Variants in LHPP observed in about 807,000 individuals in gnomAD.
LHPP encodes phospholysine phosphohistidine inorganic pyrophosphate phosphatase.
Under a neutral mutation model 30.3 loss-of-function variants are expected in LHPP, and 24 were observed. The observed-to-expected ratio is 0.79, with a 90% CI of 0.57 to 1.11. The LOEUF is 1.11. LHPP is among the 50% of genes most tolerant of loss of function. The pLI is 0.00. For synonymous variants in LHPP, 150 were observed against 157.1 expected (o/e 0.95, Z 0.34); for missense variants, 356 against 367.2 (o/e 0.97, Z 0.25).
chr10:124,552,681 G>A (rs74160928), intron 6 of LHPP, among the ~76,000 whole-genome samples: 13 of 152,098 alleles, frequency 8.5e-5, no homozygotes, highest in African/African-American at 1.2e-4. Context: ...GACTGGACGC[G>A]TGGCTGCCAG....
At chr10:124,580,051 C>T (rs934768889) in intron 6 of LHPP, among the ~76,000 whole-genome samples, 2 of 152,160 alleles carry the variant, frequency 1.3e-5, no homozygotes, top group Admixed American at 6.5e-5. Flanking sequence ...GTTTGATGAC[C>T]TTGACCATTG....
At chr10:124,610,797 C>A (rs112843127) in intron 6 of LHPP, among the ~76,000 whole-genome samples, 660 of 12,550 alleles carry the variant, frequency 0.053, no homozygotes, top group Non-Finnish European at 0.11. Flanking sequence ...GGTGAGGGTG[C>A]GGGTGAGGGT....
intron 6 of LHPP, among the ~76,000 whole-genome samples, chr10:124,562,723 G>A (rs1203562873): frequency 6.6e-6 from 1 of 152,142 alleles, no homozygotes; most frequent in African/African-American, 2.4e-5. Flanking sequence ...CTTGAGGCCA[G>A]GAGCTCGAGA....
At chr10:124,492,043 G>A (rs1286151765) in intron 3 of LHPP, among the ~76,000 whole-genome samples, 1 of 152,294 alleles carries the variant, frequency 6.6e-6, no homozygotes, top group East Asian at 1.9e-4. Context: ...TGACAATACG[G>A]AGCCTCACAT....
chr10:124,484,744 G>T (rs921514094), intron 2 of LHPP, among the ~76,000 whole-genome samples: 1 of 151,966 alleles, frequency 6.6e-6, no homozygotes, highest in Non-Finnish European at 1.5e-5. Context: ...CTACATTGAG[G>T]TCCATAGCTT....
rs78119045 is a variant in LHPP, at chr10:124,550,178, C to T, written c.716+32907C>T. Among the ~76,000 whole-genome samples the T allele has an allele frequency of 9.2e-3, 1,405 of 152,364 alleles. 17 individuals carry two copies. The highest frequency in any genetic ancestry group is 0.032 in the African/African-American group (1,321 of 41,584). ...CACCTCCTGTGATGGGGAGCTCACTCCTTGCCGAGGGAGCCTGGTAAGCTG... is the reference window on the plus strand; with the variant it reads ...CACCTCCTGTGATGGGGAGCTCACTTCTTGCCGAGGGAGCCTGGTAAGCTG... On this transcript the variant is annotated intron_variant, in intron 6 of 6. Transcript: ENST00000368842.
chr10:124,600,628 C>A (rs926712687), intron 6 of LHPP, among the ~76,000 whole-genome samples: 3 of 152,242 alleles, frequency 2.0e-5, no homozygotes, highest in African/African-American at 7.2e-5. Context: ...GCCCCTCGTG[C>A]TGGATGGAGC....
chr10:124,555,630 C>A (rs1948284992), intron 6 of LHPP, among the ~76,000 whole-genome samples: 2 of 152,182 alleles, frequency 1.3e-5, no homozygotes, highest in Non-Finnish European at 1.5e-5. Context: ...CCTTTCTAGG[C>A]CCACAGTCCT....
chr10:124,564,069 C>T (rs1483449200), intron 6 of LHPP, among the ~76,000 whole-genome samples: 2 of 151,918 alleles, frequency 1.3e-5, no homozygotes, highest in African/African-American at 4.8e-5. Context: ...ACCTCAGCCT[C>T]CTGAGTGGCT....
At chr10:124,499,096 T>C (rs1953825861) in intron 5 of LHPP, among the ~76,000 whole-genome samples, 1 of 151,492 alleles carries the variant, frequency 6.6e-6, no homozygotes, top group Admixed American at 6.6e-5. Context: ...GCCAGGCTGG[T>C]CTCAAATTCC....
chr10:124,494,592 A>ATT (rs1953648241), intron 3 of LHPP, among the ~76,000 whole-genome samples: 1 of 152,142 alleles, frequency 6.6e-6, no homozygotes, highest in Non-Finnish European at 1.5e-5. Flanking sequence ...GAGGGCCTGC[A>ATT]GAGGGCCTTG....
intron 6 of LHPP, among the ~76,000 whole-genome samples, chr10:124,570,764 T>G (rs1948572546): frequency 6.6e-6 from 1 of 152,280 alleles, no homozygotes; most frequent in Non-Finnish European, 1.5e-5. Context: ...GCTTAATGTC[T>G]TGACCGTTCA....
At chr10:124,528,501 G>C (rs568660478) in intron 6 of LHPP, among the ~76,000 whole-genome samples, 1 of 152,316 alleles carries the variant, frequency 6.6e-6, no homozygotes, top group Non-Finnish European at 1.5e-5. Context: ...TGGGAATACA[G>C]ATGTCTGCCA....
chr10:124,537,588 G>A (rs888896391), intron 6 of LHPP, among the ~76,000 whole-genome samples: 4 of 152,236 alleles, frequency 2.6e-5, no homozygotes, highest in African/African-American at 7.2e-5. Context: ...ACAAGATGGT[G>A]TCTGCGGACC....
intron 6 of LHPP, among the ~76,000 whole-genome samples, chr10:124,521,286 C>T (rs968931730): frequency 1.3e-5 from 2 of 152,252 alleles, no homozygotes; most frequent in African/African-American, 4.8e-5. Flanking sequence ...TCCCTTCCTT[C>T]CAGGAAATAC....
intron 6 of LHPP, among the ~76,000 whole-genome samples, chr10:124,611,197 C>T (rs932583257): frequency 5.9e-5 from 9 of 151,970 alleles, no homozygotes; most frequent in African/African-American, 1.9e-4. Context: ...CTGCTTGGAG[C>T]GGGTGCTGGC....
chr10:124,574,014 GTC>G (rs1948623137), intron 6 of LHPP, among the ~76,000 whole-genome samples: 1 of 152,114 alleles, frequency 6.6e-6, no homozygotes, highest in African/African-American at 2.4e-5. Context: ...CCCCACAGGT[GTC>G]ACCCATGGAG....
intron 5 of LHPP, among the ~76,000 whole-genome samples, chr10:124,506,962 GGGCGGGTAGA>G (rs1954113524): frequency 5.5e-5 from 1 of 18,222 alleles, no homozygotes; most frequent in Non-Finnish European, 1.1e-4. Flanking sequence ...GATTTCAGGT[GGGCGGGTAGA>G]CAGGATTTCA....
intron 6 of LHPP, among the ~76,000 whole-genome samples, chr10:124,606,511 G>C (rs1243880921): frequency 6.6e-6 from 1 of 152,216 alleles, no homozygotes; most frequent in African/African-American, 2.4e-5. Flanking sequence ...CCAGCGCCAG[G>C]GTGAGCTGCA....
Sources: gnomAD v4.1 joint callset for allele counts (sites outside exome capture counted in the v4.1 genomes callset) on GRCh38, gnomAD v4.1.1 for gene constraint, MANE v1.5 for transcripts, NCBI Gene and HGNC (gene_info 2026-07-23, HGNC 2026-07-21) for gene names.